Variants in AMPH observed in about 807,000 individuals in gnomAD.
The protein encoded by AMPH is amphiphysin (Stiff-Mann syndrome with breast cancer 128kD autoantigen).
In AMPH, 49 loss-of-function variants were observed where a neutral mutation model predicts 99.1. That is an observed-to-expected ratio of 0.49 (90% CI 0.39 to 0.63). AMPH has a LOEUF of 0.63. Ranked by LOEUF, AMPH falls within the 20% of genes least tolerant of loss-of-function variation. The probability of loss-of-function intolerance (pLI) is 0.00; values close to 1 mark genes in which losing one functional copy is unlikely to be tolerated. For synonymous variants in AMPH, 314 were observed against 317.3 expected, an observed-to-expected ratio of 0.99 and a Z score of 0.11; for missense variants, 759 against 863.4, an observed-to-expected ratio of 0.88 and a Z score of 1.52.
At chr7:38,594,883 C>T (rs1792994843) in intron 1 of AMPH, among the ~76,000 whole-genome samples, 1 of 151,548 alleles carries the variant, frequency 6.6e-6, no homozygotes, top group African/African-American at 2.4e-5. Flanking sequence ...GATGCAAAGG[C>T]AATTAAACCC....
rs558300465 is a variant in AMPH, at chr7:38,443,161, A to T, written c.1018-6773T>A. ...TTCATGAGAAACACAAACTACAAAT[A>T]CAAAAATCTCACTCAAGAAAAATAG... On this transcript the variant is annotated intron_variant, in intron 11 of 20. Coordinates refer to ENST00000356264, the MANE Select transcript of AMPH (RefSeq NM_001635.4). Among the ~76,000 whole-genome samples the T allele has an allele frequency of 3.2e-4, 49 of 152,108 alleles. 2 individuals carry two copies. The highest frequency in any genetic ancestry group is 2.8e-4 in the Non-Finnish European group (19 of 67,980).
At chr7:38,429,999 C>T in intron 13 of AMPH, 134 bp from the exon 14 acceptor site, 1 of 831,250 alleles carries the variant, frequency 1.2e-6, no homozygotes, top group Non-Finnish European at 1.8e-6. Flanking sequence ...AATTTTACAA[C>T]TTGTTTTGTG....
At chr7:38,491,187 G>A in intron 4 of AMPH, 42 bp from the exon 5 acceptor site, 1 of 1,369,144 alleles carries the variant, frequency 7.3e-7, no homozygotes, top group Non-Finnish European at 1.0e-6. Context: ...ATTTTAATTG[G>A]ATACCTTTCA....
At chr7:38,560,349 A>G (rs1306955157) in intron 1 of AMPH, among the ~76,000 whole-genome samples, 3 of 152,174 alleles carry the variant, frequency 2.0e-5, no homozygotes, top group African/African-American at 7.2e-5. Flanking sequence ...TCAACCACCT[A>G]TCAGTCCATC....
At chr7:38,446,336 T>G (rs1334555054) in intron 11 of AMPH, among the ~76,000 whole-genome samples, 1 of 152,232 alleles carries the variant, frequency 6.6e-6, no homozygotes, top group African/African-American at 2.4e-5. Context: ...AATGAAAGCA[T>G]GCATGCACAC....
chr7:38,629,372 T>C (rs530978950), intron 1 of AMPH, among the ~76,000 whole-genome samples: 1 of 152,216 alleles, frequency 6.6e-6, no homozygotes, highest in East Asian at 1.9e-4. Flanking sequence ...ATCAGCACCT[T>C]TCCCCAGTGA....
chr7:38,537,865 G>A (rs1395174724), intron 1 of AMPH, among the ~76,000 whole-genome samples: 1 of 152,146 alleles, frequency 6.6e-6, no homozygotes, highest in Non-Finnish European at 1.5e-5. Context: ...AAAAGGCAAA[G>A]ATAGTTGATA....
In AMPH at chr7:38,440,521, A is replaced by T. The variant is rs1786464997; in HGVS notation, c.1018-4133T>A. Among the ~76,000 whole-genome samples the T allele has an allele frequency of 2.0e-5, 3 of 152,336 alleles. No homozygotes were observed. The South Asian group carries it at 6.2e-4, about 32-fold the overall frequency. ...CCTAGGTAACTATATGTGAGTTTTTATTATTTAAATCTTTTAAAAAGATAA... is the reference window on the plus strand; with the variant it reads ...CCTAGGTAACTATATGTGAGTTTTTTTTATTTAAATCTTTTAAAAAGATAA... On this transcript the variant is annotated intron_variant, in intron 11 of 20. Transcript: ENST00000356264.
At chr7:38,605,340 C>T (rs9987017) in intron 1 of AMPH, among the ~76,000 whole-genome samples, 96,127 of 151,964 alleles carry the variant, frequency 0.63, 31,309 homozygotes, top group African/African-American at 0.75. Context: ...AGAGATGAGA[C>T]GGAAAGCATC....
intron 3 of AMPH, among the ~76,000 whole-genome samples, 155 bp downstream of exon 3, chr7:38,503,495 C>CGGGGGGGGG (rs3832480): frequency 2.3e-5 from 2 of 86,212 alleles, no homozygotes; most frequent in Non-Finnish European, 4.7e-5. Flanking sequence ...GAATTTGGGG[C>CGGGGGGGGG]GGGGGGGTGG....
At chr7:38,533,498 C>A (rs1790489059) in intron 2 of AMPH, among the ~76,000 whole-genome samples, 1 of 152,140 alleles carries the variant, frequency 6.6e-6, no homozygotes, top group African/African-American at 2.4e-5. Context: ...ATCTACCTGG[C>A]TCCATACCTG....
chr7:38,619,225 T>C lies in AMPH; in HGVS notation c.69+12058A>G, dbSNP rs1447203102. The stretch of plus-strand genomic sequence containing the variant: ...AAAAAGATACATCATGCAAATATTA[T>C]AGTAACCAAAAGAAAACTGGAATGG... On this transcript the variant is annotated intron_variant, in intron 1 of 20. Transcript: ENST00000356264. 3.9e-5 allele frequency among the ~76,000 whole-genome samples: 6 copies of C among 152,096 alleles called. 1 individual carries two copies. The highest frequency in any genetic ancestry group is 7.4e-5 in the Non-Finnish European group (5 of 67,996).
At chr7:38,514,911 T>C (rs1789681243) in intron 2 of AMPH, among the ~76,000 whole-genome samples, 1 of 152,078 alleles carries the variant, frequency 6.6e-6, no homozygotes, top group Non-Finnish European at 1.5e-5. Flanking sequence ...AATTGGGTAA[T>C]GGATAGAGGA....
chr7:38,425,865 C>T (rs539251397), intron 15 of AMPH, among the ~76,000 whole-genome samples: 16 of 152,092 alleles, frequency 1.1e-4, no homozygotes, highest in Non-Finnish European at 2.4e-4. Flanking sequence ...AATAAAAGCC[C>T]TTATAAAAGT....
chr7:38,547,786 GAGAAGAGGGCTTCT>G (rs1205217468), intron 1 of AMPH, among the ~76,000 whole-genome samples: 1 of 152,158 alleles, frequency 6.6e-6, no homozygotes, highest in Non-Finnish European at 1.5e-5. Flanking sequence ...ACTTGAGGTG[GAGAAGAGGGCTTCT>G]AGATCATAGG....
Position 38,394,115 on chromosome 7 carries a change from G to A in AMPH, c.1498C>T (p.Pro500Ser). The change falls in exon 18 of 21, where the codon CCT becomes TCT. Residue 500 changes from proline (P) to serine (S), a missense_variant. By Grantham distance (74) the Pro-to-Ser change is moderately conservative (BLOSUM62 -1). Around this residue, in one of 2 missense-constraint regions of AMPH, gnomAD observed 554 missense variants for 575.6 expected, o/e 0.96. Coordinates refer to ENST00000356264, the MANE Select transcript of AMPH (RefSeq NM_001635.4). ...TCTAAACTTACTCCTTCCCCGGCAG[G>A]GACAGTGGCCTTCTCCGCCTCTGCT... ...EEAEAEKATV[P>S]AGEGVSLEEA... is the part of the protein sequence containing the mutation. 1 of 1,614,134 alleles carries A rather than the reference G, an allele frequency of 6.2e-7. No individual in the cohort carries two copies. The highest frequency in any genetic ancestry group is 8.5e-7 in the Non-Finnish European group (1 of 1,180,020).
At chr7:38,453,301 G>A (rs1418562674) in intron 11 of AMPH, among the ~76,000 whole-genome samples, 1 of 152,182 alleles carries the variant, frequency 6.6e-6, no homozygotes, top group Non-Finnish European at 1.5e-5. Flanking sequence ...AGGTATTGAT[G>A]GAGAGACACT....
At chr7:38,401,388 T>A (rs760214332) in intron 17 of AMPH, among the ~76,000 whole-genome samples, 3 of 152,216 alleles carry the variant, frequency 2.0e-5, no homozygotes, top group Non-Finnish European at 2.9e-5. Context: ...AATAGACATG[T>A]CACCACATTT....
intron 4 of AMPH, among the ~76,000 whole-genome samples, chr7:38,491,874 G>T (rs1788730973): frequency 6.6e-6 from 1 of 152,170 alleles, no homozygotes; most frequent in African/African-American, 2.4e-5. Flanking sequence ...GTCAGGAAAT[G>T]ACTATCACAC....
Sources: allele counts gnomAD v4.1 joint callset (sites outside exome capture counted in the v4.1 genomes callset), GRCh38; gene constraint gnomAD v4.1.1; regional missense constraint gnomAD v4.1.1; transcripts MANE v1.5; gene names NCBI Gene and HGNC (gene_info 2026-07-23, HGNC 2026-07-21).